Variants in KAT6B observed in about 807,000 individuals in gnomAD.
The protein encoded by KAT6B is histone acetyltransferase KAT6B.
Under a neutral mutation model 187.5 loss-of-function variants are expected in KAT6B, and 10 were observed. The ratio of observed to expected loss-of-function variants is 0.05; its 90% CI spans 0.03 to 0.09. The LOEUF is 0.09. KAT6B is among the 10% of genes least tolerant of loss of function. The probability of loss-of-function intolerance (pLI) is 1.00; values close to 1 mark genes in which losing one functional copy is unlikely to be tolerated. For synonymous variants in KAT6B, 861 were observed against 926.8 expected, an observed-to-expected ratio of 0.93 and a Z score of 1.29; for missense variants, 1,952 against 2,558.9, an observed-to-expected ratio of 0.76 and a Z score of 5.12.
intron 3 of KAT6B, among the ~76,000 whole-genome samples, chr10:74,853,420 A>G (rs886871543): frequency 2.0e-5 from 3 of 151,224 alleles, no homozygotes; most frequent in Admixed American, 2.0e-4. Flanking sequence ...CAGCCCCCCA[A>G]GTAGCTTGGA....
intron 13 of KAT6B, among the ~76,000 whole-genome samples, chr10:75,010,174 G>A (rs1844499169): frequency 6.6e-6 from 1 of 152,208 alleles, no homozygotes; most frequent in South Asian, 2.1e-4. Flanking sequence ...ATCTCCAGAG[G>A]CTTCTTACCT....
In KAT6B at chr10:74,842,689, C is replaced by T; in HGVS notation, c.-169C>T. The T allele has an allele frequency of 2.7e-6, 2 of 740,334 alleles. No homozygotes were observed. The highest frequency in any genetic ancestry group is 4.5e-6 in the Non-Finnish European group (2 of 440,182). The allele number at this position is 740,334 out of a possible 1,614,324, so 45.9% of individuals were successfully genotyped here. Reference sequence around the variant, plus strand: ...ACAACCATCAACATTGCCTGTTTGTCTGCTTTTGAATCTCTTAAGGATGGA... The same window carrying T: ...ACAACCATCAACATTGCCTGTTTGTTTGCTTTTGAATCTCTTAAGGATGGA... On this transcript the variant is annotated 5_prime_UTR_variant, in exon 3 of 18. Transcript: ENST00000287239.
In KAT6B at chr10:75,022,142, G is replaced by A; in HGVS notation, c.3283G>A (p.Glu1095Lys). The A allele has an allele frequency of 6.3e-7, 1 of 1,585,464 alleles. No homozygotes were observed. Residue 1095 changes from glutamate to lysine, a missense_variant, in exon 16 of 18, where the codon GAA becomes AAA. By Grantham distance (56) the Glu-to-Lys change is moderately conservative. Transcript: ENST00000287239. ...EEEEEDEEEEEEEEEEEEEEN... is the reference protein window; with the variant it reads ...EEEEEDEEEEKEEEEEEEEEN... ...AGAGGAAGAGGATGAAGAGGAGGAA[G>A]AAGAGGAAGAAGAAGAAGAAGAAGA...
chr10:74,855,344 C>G (rs950241156), intron 3 of KAT6B, among the ~76,000 whole-genome samples: 3 of 152,128 alleles, frequency 2.0e-5, no homozygotes, highest in African/African-American at 7.2e-5. Flanking sequence ...GCTTTTTGTC[C>G]AAGGTTTCCC....
At chr10:74,970,994 T>A (rs1385937846) in intron 6 of KAT6B, among the ~76,000 whole-genome samples, 1 of 152,132 alleles carries the variant, frequency 6.6e-6, no homozygotes, top group African/African-American at 2.4e-5. Flanking sequence ...GCTTTGTTGG[T>A]ACAATATTTT....
chr10:74,920,211 G>A (rs1028895297), intron 3 of KAT6B, among the ~76,000 whole-genome samples: 2 of 152,208 alleles, frequency 1.3e-5, no homozygotes, highest in Non-Finnish European at 2.9e-5. Context: ...CCAAGTTCAT[G>A]ATTCAGGTAT....
intron 3 of KAT6B, among the ~76,000 whole-genome samples, chr10:74,877,147 G>C (rs1564536983): frequency 6.6e-6 from 1 of 151,876 alleles, no homozygotes; most frequent in African/African-American, 2.4e-5. Context: ...TGTATTTTTA[G>C]TGGAGACAGG....
intron 13 of KAT6B, among the ~76,000 whole-genome samples, chr10:75,015,260 A>T (rs1261579098): frequency 1.3e-5 from 2 of 152,218 alleles, no homozygotes; most frequent in Non-Finnish European, 2.9e-5. Flanking sequence ...AATCTCTTAA[A>T]AGTAAAATAT....
In KAT6B at chr10:75,031,177, TA is replaced by T. The variant is rs3832681; in HGVS notation, c.*144del. 0.27 allele frequency: 211,982 copies of T among 796,926 alleles called. 3,448 individuals carry two copies. Among genetic ancestry groups the T allele is most frequent in the African/African-American group, 0.39 (22,064 of 56,492 alleles). The allele number at this position is 796,926 out of a possible 1,614,324, so 49.4% of individuals were successfully genotyped here. On this transcript the variant is annotated 3_prime_UTR_variant, in exon 18 of 18. Coordinates refer to ENST00000287239, the MANE Select transcript of KAT6B (RefSeq NM_012330.4). Reference sequence around the variant, plus strand: ...AAAACATTTGTTGGCACCATTTATTTAAAAAAAAAAAAAGCTGTATGCAGCA... The same window carrying T: ...AAAACATTTGTTGGCACCATTTATTTAAAAAAAAAAAAGCTGTATGCAGCA...
chr10:74,939,193 G>A (rs1165409477), intron 3 of KAT6B, among the ~76,000 whole-genome samples: 1 of 152,116 alleles, frequency 6.6e-6, no homozygotes, highest in Non-Finnish European at 1.5e-5. Context: ...ACTACTCTCT[G>A]CCTGTTTGGT....
intron 4 of KAT6B, among the ~76,000 whole-genome samples, chr10:74,969,328 TTGA>T (rs1841700320): frequency 6.6e-6 from 1 of 152,186 alleles, no homozygotes; most frequent in Non-Finnish European, 1.5e-5. Flanking sequence ...TAGATGGTGG[TTGA>T]TGAAGACGGC....
chr10:74,870,770 GTT>G (rs1843873959), intron 3 of KAT6B, among the ~76,000 whole-genome samples: 1 of 151,902 alleles, frequency 6.6e-6, no homozygotes, highest in South Asian at 2.1e-4. Context: ...TAGAGACGGG[GTT>G]TTCCATGTTG....
chr10:74,952,716 C>T (rs1384566480), intron 3 of KAT6B, among the ~76,000 whole-genome samples: 1 of 151,032 alleles, frequency 6.6e-6, no homozygotes, highest in Non-Finnish European at 1.5e-5. Context: ...GATGGAGTTT[C>T]ATTCTTGTTG....
intron 3 of KAT6B, among the ~76,000 whole-genome samples, chr10:74,876,198 AC>A (rs1371289231): frequency 6.6e-6 from 1 of 151,716 alleles, no homozygotes; most frequent in Non-Finnish European, 1.5e-5. Context: ...TAAATGTATC[AC>A]CCCCTCCTTC....
At chr10:74,930,213 G>A (rs1289529588) in intron 3 of KAT6B, among the ~76,000 whole-genome samples, 4 of 152,132 alleles carry the variant, frequency 2.6e-5, no homozygotes, top group African/African-American at 9.7e-5. Flanking sequence ...GTGAGCCACT[G>A]TGCCCAGCCT....
At chr10:74,988,198 C>T (rs1842931349) in intron 12 of KAT6B, among the ~76,000 whole-genome samples, 4 of 152,166 alleles carry the variant, frequency 2.6e-5, no homozygotes, top group Admixed American at 6.5e-5. Flanking sequence ...AGAGCATCCA[C>T]GACCTCAAAA....
At chr10:74,893,318 C>T (rs541064299) in intron 3 of KAT6B, among the ~76,000 whole-genome samples, 24 of 152,174 alleles carry the variant, frequency 1.6e-4, no homozygotes, top group Non-Finnish European at 2.8e-4. Context: ...TCTTTTTCCT[C>T]ACTGCTGTTC....
chr10:74,847,423 G>A (rs1842181330), intron 3 of KAT6B, among the ~76,000 whole-genome samples: 1 of 152,142 alleles, frequency 6.6e-6, no homozygotes, highest in African/African-American at 2.4e-5. Context: ...AGCACTTTGG[G>A]AGGCCGAGGT....
intron 3 of KAT6B, among the ~76,000 whole-genome samples, chr10:74,859,302 T>A (rs892547654): frequency 4.0e-5 from 6 of 149,912 alleles, no homozygotes; most frequent in Non-Finnish European, 8.9e-5. Context: ...TCAGGCTGGT[T>A]TTGAACCCCT....
Sources: gnomAD v4.1 joint callset for allele counts (sites outside exome capture counted in the v4.1 genomes callset) on GRCh38, gnomAD v4.1.1 for gene constraint, MANE v1.5 for transcripts, NCBI Gene and HGNC (gene_info 2026-07-23, HGNC 2026-07-21) for gene names.